ITGAD: variants seen among roughly 807,000 people sequenced by gnomAD.
The protein encoded by ITGAD is integrin subunit alpha D.
Under a neutral mutation model 139.0 loss-of-function variants are expected in ITGAD, and 105 were observed. That is an observed-to-expected ratio of 0.76 (90% confidence interval 0.65 to 0.89). The LOEUF (loss-of-function observed/expected upper bound fraction) is 0.89. Ranked by LOEUF, ITGAD falls within the 40% of genes least tolerant of loss-of-function variation. ITGAD has a pLI of 0.00. For synonymous variants in ITGAD, 569 were observed against 598.3 expected, an observed-to-expected ratio of 0.95 and a Z score of 0.71; for missense variants, 1,384 against 1,487.3, an observed-to-expected ratio of 0.93 and a Z score of 1.14.
At chr16:31,425,967 C>A (rs747411777) in intron 29 of ITGAD, 48 bp from the exon 30 acceptor site, 1 of 1,272,022 alleles carries the variant, frequency 7.9e-7, no homozygotes, top group Non-Finnish European at 1.1e-6. Flanking sequence ...AGGTGTGAGC[C>A]ACCGGGCCCG....
rs143643916 is a variant in ITGAD, at chr16:31,416,583, C to G, written c.2436C>G (p.Tyr812Ter). The G allele has an allele frequency of 1.9e-5, 30 of 1,613,674 alleles. No homozygotes were observed. Among genetic ancestry groups the G allele is most frequent in the African/African-American group, 4.0e-5 (3 of 74,866 alleles). Residue 812 changes from tyrosine (Y) to a stop codon, truncating the protein, a stop_gained, in exon 20 of 30, where the codon TAC becomes TAG. Transcript: ENST00000389202. LOFTEE classifies it high-confidence loss of function. Reference sequence around the variant, plus strand: ...TGTGGAACGCAGGTGAGGATTCCTACGGAACCGTGGTCAGCCTCTACTATC... The same window carrying G: ...TGTGGAACGCAGGTGAGGATTCCTAGGGAACCGTGGTCAGCCTCTACTATC... Reference protein sequence around the residue: ...VTVWNAGEDSYGTVVSLYYPA... With the variant: ...VTVWNAGEDS
intron 5 of ITGAD, 104 bp downstream of exon 5, chr16:31,398,013 C>T (rs374029169): frequency 3.5e-5 from 28 of 804,588 alleles, no homozygotes; most frequent in South Asian, 5.2e-5. Flanking sequence ...CCTGGAGGGC[C>T]GAGTGTGGCT....
At chr16:31,410,301 T>C (rs1028460428) in intron 10 of ITGAD, 94 bp from the exon 11 acceptor site, 4 of 1,557,306 alleles carry the variant, frequency 2.6e-6, no homozygotes, top group Non-Finnish European at 2.6e-6. Context: ...AAGAAAAGCC[T>C]GGATGGCGAG....
chr16:31,408,606 T>G, intron 10 of ITGAD, 108 bp downstream of exon 10: 2 of 958,816 alleles, frequency 2.1e-6, no homozygotes, highest in Non-Finnish European at 3.2e-6. Context: ...CCATCCTCAA[T>G]CGCCAGGGAG....
rs1352578849 is a variant in ITGAD at position 31,397,666 on chromosome 16, GGTGA to G, written c.312+8_312+11del. 5.1e-6 allele frequency: 8 copies of G among 1,581,054 alleles called. No individual in the cohort carries two copies. Among genetic ancestry groups the G allele is most frequent in the Middle Eastern group, 1.7e-4 (1 of 5,992 alleles). ...CCTCCACCAACGGCTCCCGGCTCCT[GGTGA>G]GTGAGTGTCTTGGGCCACGGGGGGG... On this transcript the variant is annotated splice_donor_variant and splice_donor_region_variant and intron_variant, in intron 4 of 29. Coordinates refer to ENST00000389202, the MANE Select transcript of ITGAD (RefSeq NM_005353.3). LOFTEE classifies it high-confidence loss of function.
rs1405874547 is a variant in ITGAD at position 31,414,674 on chromosome 16, C to T, written c.2151+69C>T. ...AAGGCTGGCCTGGAGCACCCCCGTT[C>T]TCTGCTGAGCGAGGTGGGAAGGGTT... On this transcript the variant is annotated intron_variant, in intron 17 of 29. Coordinates refer to ENST00000389202, the MANE Select transcript of ITGAD (RefSeq NM_005353.3). 10 of 1,594,776 alleles carry T rather than the reference C, an allele frequency of 6.3e-6. No homozygotes were observed. The African/African-American group carries it at 1.3e-4, about 21-fold the overall frequency.
intron 2 of ITGAD, among the ~76,000 whole-genome samples, chr16:31,395,281 C>A (rs913051388): frequency 2.0e-5 from 3 of 152,004 alleles, no homozygotes; most frequent in African/African-American, 7.3e-5. Flanking sequence ...GATCGTGCCA[C>A]TTTACTCCAG....
chr16:31,418,646 C>A, intron 23 of ITGAD, 82 bp downstream of exon 23: 2 of 996,800 alleles, frequency 2.0e-6, no homozygotes, highest in South Asian at 1.3e-5. Flanking sequence ...CCTGCTCTTC[C>A]AATGATGCAC....
chr16:31,408,621 C>T, intron 10 of ITGAD, 123 bp downstream of exon 10: 1 of 799,144 alleles, frequency 1.3e-6, no homozygotes, highest in Non-Finnish European at 2.0e-6. Flanking sequence ...AGGGAGAGGC[C>T]CCCACGCGTG....
chr16:31,413,244 T>C lies in ITGAD; in HGVS notation c.1994T>C (p.Leu665Pro). 6.2e-7 allele frequency: 1 copy of C among 1,613,952 alleles called. No homozygotes were observed. Among genetic ancestry groups the C allele is most frequent in the Non-Finnish European group, 8.5e-7 (1 of 1,179,916 alleles). The change falls in exon 16 of 30, where the codon CTA (leucine) becomes CCA (proline). Residue 665 changes from leucine (L) to proline (P), a missense_variant and splice_region_variant. Transcript: ENST00000389202. Reference protein sequence around the residue: ...LTIQKSSLDQLGDIQSSVRFD... With the variant: ...LTIQKSSLDQPGDIQSSVRFD... ...ATCCAGAAAAGCTCACTGGACCAGC[T>C]AGGTGTGTTTCCCCCATAAAGGGGG...
chr16:31,425,416 C>T (rs1394443725), intron 29 of ITGAD, among the ~76,000 whole-genome samples: 2 of 152,166 alleles, frequency 1.3e-5, no homozygotes, highest in African/African-American at 4.8e-5. Context: ...CACAGAGTGG[C>T]TGAAGTGAGA....
At position 31,407,819 on chromosome 16, in the gene ITGAD, C is replaced by T. The variant is rs765480884; in HGVS notation, c.912C>T (p.Ser304=). Residue 304 remains serine (S), a synonymous_variant, in exon 9 of 30, where the codon AGC becomes AGT. Coordinates refer to ENST00000389202, the MANE Select transcript of ITGAD (RefSeq NM_005353.3). The stretch of plus-strand genomic sequence containing the variant: ...CCAGGCAGGAGCTGAATACCATCAG[C>T]TCAGCGCCTCCGCAGGACCACGTGT... ...PTARQELNTI[S]SAPPQDHVFK... 14 of 1,613,596 alleles carry T rather than the reference C, an allele frequency of 8.7e-6. No individual in the cohort carries two copies. The East Asian group carries it at 2.9e-4, about 33-fold the overall frequency.
chr16:31,410,154 G>T (rs144285025), intron 10 of ITGAD, among the ~76,000 whole-genome samples: 1 of 152,242 alleles, frequency 6.6e-6, no homozygotes, highest in African/African-American at 2.4e-5. Flanking sequence ...TGGCACTGGG[G>T]CAGTAGACAG....
chr16:31,409,484 C>T (rs997725169), intron 10 of ITGAD, among the ~76,000 whole-genome samples: 8 of 152,134 alleles, frequency 5.3e-5, no homozygotes, highest in African/African-American at 1.9e-4. Flanking sequence ...ACATTTATTT[C>T]TACTTCTGTA....
Position 31,403,949 on chromosome 16 carries a change from A to C in ITGAD, c.704+304A>C. The C allele has an allele frequency of 1.8e-5, 7 of 384,980 alleles. No individual in the cohort carries two copies. The highest frequency in any genetic ancestry group is 5.2e-5 in the East Asian group (1 of 19,222). The allele number at this position is 384,980 out of a possible 1,614,324, so 23.8% of individuals were successfully genotyped here. Reference sequence around the variant, plus strand: ...GAGGCCCGGGCTTTGGCTCAGACACATCAGGCTCCCATCCTGGCTCCCCGT... The same window carrying C: ...GAGGCCCGGGCTTTGGCTCAGACACCTCAGGCTCCCATCCTGGCTCCCCGT... On this transcript the variant is annotated intron_variant, in intron 7 of 29. Transcript: ENST00000389202. This position sits in a 1 kb window ranked among gnomAD's most constrained non-coding sequence, Gnocchi z 4.4.
Position 31,423,397 on chromosome 16 carries a change from TG to T in ITGAD, c.2908del (p.Val970PhefsTer5). On this transcript the variant is annotated frameshift_variant, in exon 25 of 30. Coordinates refer to ENST00000389202, the MANE Select transcript of ITGAD (RefSeq NM_005353.3). LOFTEE classifies it high-confidence loss of function. ...AGATCTGGCCATCAGCATTAACTTC[TG>T]GGTTCCTGTCCTGCTGAACGGGGTG... Reference protein sequence around the residue: ...QRDLAISINFWVPVLLNGVAV... With the variant: ...QRDLAISINFXVPVLLNGVAV... 1 of 1,614,150 alleles carries T rather than the reference TG, an allele frequency of 6.2e-7. No individual in the cohort carries two copies. The highest frequency in any genetic ancestry group is 1.1e-5 in the South Asian group (1 of 91,076).
chr16:31,407,494 T>C (rs2081567638), intron 7 of ITGAD, 21 bp from the exon 8 acceptor site: 1 of 1,553,336 alleles, frequency 6.4e-7, no homozygotes, highest in African/African-American at 1.4e-5. Context: ...AGTAGAGTCA[T>C]CTTCCTTTCC....
chr16:31,398,168 G>T (rs539690712), intron 5 of ITGAD, among the ~76,000 whole-genome samples: 2 of 152,250 alleles, frequency 1.3e-5, no homozygotes, highest in African/African-American at 2.4e-5. Context: ...TGTAATTCCA[G>T]CATTTTAGGA....
chr16:31,405,473 A>G (rs528958163), intron 7 of ITGAD, among the ~76,000 whole-genome samples: 1 of 152,296 alleles, frequency 6.6e-6, no homozygotes, highest in Non-Finnish European at 1.5e-5. Context: ...AGTAACATCA[A>G]GGGATACTTA....
Sources: allele counts gnomAD v4.1 joint callset (sites outside exome capture counted in the v4.1 genomes callset), GRCh38; gene constraint gnomAD v4.1.1; non-coding constraint Gnocchi (gnomAD v3.1); transcripts MANE v1.5; gene names NCBI Gene and HGNC (gene_info 2026-07-23, HGNC 2026-07-21).